Variants in ELMO1 observed in about 807,000 individuals in gnomAD.
ELMO1 encodes engulfment and cell motility 1, also known as engulfment and cell motility protein 1.
A neutral mutation model predicts 98.9 loss-of-function variants in ELMO1; 26 were observed. The ratio of observed to expected loss-of-function variants is 0.26; its 90% CI spans 0.19 to 0.36. The LOEUF is 0.36. ELMO1 is among the 10% of genes least tolerant of loss of function. ELMO1 has a pLI of 1.00. For synonymous variants in ELMO1, 346 were observed against 346.0 expected (o/e 1.00, Z 0.00); for missense variants, 627 against 935.2 (o/e 0.67, Z 4.30).
intron 16 of ELMO1, among the ~76,000 whole-genome samples, chr7:36,920,176 G>A (rs1343658026): frequency 6.6e-6 from 1 of 152,126 alleles, no homozygotes; most frequent in Non-Finnish European, 1.5e-5. Flanking sequence ...TCAACTACAG[G>A]GCTTATGAAC....
intron 6 of ELMO1, among the ~76,000 whole-genome samples, chr7:37,253,720 T>TAAAAAAAA (rs36042026): frequency 1.7e-5 from 2 of 117,878 alleles, no homozygotes. Context: ...GAACTTAAAG[T>TAAAAAAAA]AAAAAAAAAA....
intron 14 of ELMO1, among the ~76,000 whole-genome samples, chr7:37,122,337 CT>C (rs1786121241): frequency 6.6e-6 from 1 of 151,804 alleles, no homozygotes; most frequent in Admixed American, 6.6e-5. Context: ...AAGACACAGA[CT>C]GGCAAATTGG....
chr7:37,177,281 T>C (rs1361330274), intron 13 of ELMO1, among the ~76,000 whole-genome samples: 3 of 152,020 alleles, frequency 2.0e-5, no homozygotes, highest in Non-Finnish European at 2.9e-5. Flanking sequence ...GTGTCAATGG[T>C]TGCCAAACAC....
intron 13 of ELMO1, among the ~76,000 whole-genome samples, chr7:37,144,041 A>AC (rs1787824764): frequency 6.6e-6 from 1 of 151,210 alleles, no homozygotes; most frequent in Admixed American, 6.6e-5. Flanking sequence ...TAATTTCTCC[A>AC]CCCCCTCAGA....
At chr7:37,096,756 A>G (rs979097823) in intron 14 of ELMO1, 29 bp from the exon 15 acceptor site, 39 of 1,586,062 alleles carry the variant, frequency 2.5e-5, no homozygotes, top group Non-Finnish European at 3.3e-5. Context: ...CAGATTAGAA[A>G]GGAAATTCAA....
At chr7:36,909,262 T>C (rs1784180736) in intron 16 of ELMO1, among the ~76,000 whole-genome samples, 2 of 152,140 alleles carry the variant, frequency 1.3e-5, no homozygotes, top group Non-Finnish European at 2.9e-5. Flanking sequence ...ATAAGAAAGG[T>C]GTTTATTATA....
intron 2 of ELMO1, among the ~76,000 whole-genome samples, chr7:37,323,045 C>G (rs1799605410): frequency 1.3e-5 from 2 of 152,268 alleles, no homozygotes; most frequent in South Asian, 4.2e-4. Context: ...GGCCCATAAG[C>G]ACGGAGGCCA....
intron 4 of ELMO1, among the ~76,000 whole-genome samples, chr7:37,289,302 C>T (rs1027025927): frequency 6.6e-6 from 1 of 152,166 alleles, no homozygotes; most frequent in Non-Finnish European, 1.5e-5. Flanking sequence ...TATGCTATAA[C>T]CTTCAGTCAA....
chr7:36,874,017 G>C (rs532416471), intron 19 of ELMO1, among the ~76,000 whole-genome samples: 145 of 152,304 alleles, frequency 9.5e-4, no homozygotes, highest in African/African-American at 3.4e-3. Context: ...TGAAGAACCT[G>C]GTCTCTGTGG....
intron 13 of ELMO1, among the ~76,000 whole-genome samples, chr7:37,159,156 G>A (rs182088654): frequency 3.9e-5 from 6 of 152,260 alleles, no homozygotes; most frequent in African/African-American, 1.4e-4. Context: ...GCTGTCGTGG[G>A]TAGGGGGGCT....
intron 16 of ELMO1, among the ~76,000 whole-genome samples, chr7:36,957,173 G>A (rs781648962): frequency 4.6e-5 from 7 of 152,212 alleles, no homozygotes; most frequent in Non-Finnish European, 7.3e-5. Context: ...ATACATTCAG[G>A]CAAAGACCCC....
intron 1 of ELMO1, among the ~76,000 whole-genome samples, chr7:37,447,898 C>T (rs945750740): frequency 1.3e-5 from 2 of 152,054 alleles, no homozygotes; most frequent in Non-Finnish European, 2.9e-5. Context: ...TTCCCGGGCC[C>T]CCTGGCATGC....
At chr7:36,895,109 G>A in intron 16 of ELMO1, 92 bp from the exon 17 acceptor site, 1 of 1,482,076 alleles carries the variant, frequency 6.7e-7, no homozygotes. Context: ...TGCTTCCCTG[G>A]TGCCCTCTGC....
intron 13 of ELMO1, among the ~76,000 whole-genome samples, chr7:37,165,570 C>T (rs1789612060): frequency 1.3e-5 from 2 of 152,024 alleles, no homozygotes; most frequent in South Asian, 2.1e-4. Context: ...TTGTCAAAGG[C>T]CTTTTCTGCA....
intron 4 of ELMO1, among the ~76,000 whole-genome samples, chr7:37,310,779 G>T (rs937642940): frequency 1.3e-5 from 2 of 152,024 alleles, no homozygotes; most frequent in Middle Eastern, 3.2e-3. Flanking sequence ...GACCCACCTG[G>T]GTCCAAGTCT....
chr7:37,267,778 C>G (rs1367439866), intron 5 of ELMO1, among the ~76,000 whole-genome samples: 1 of 152,172 alleles, frequency 6.6e-6, no homozygotes, highest in Non-Finnish European at 1.5e-5. Flanking sequence ...CTTTTGGCAG[C>G]CTGTCTTTTG....
intron 18 of ELMO1, among the ~76,000 whole-genome samples, chr7:36,879,707 A>T (rs1804266528): frequency 6.6e-6 from 1 of 152,214 alleles, no homozygotes; most frequent in Non-Finnish European, 1.5e-5. Context: ...CAATCCATAG[A>T]TTTAAAGGAA....
intron 12 of ELMO1, among the ~76,000 whole-genome samples, chr7:37,211,825 C>T (rs763373176): frequency 2.0e-5 from 3 of 152,048 alleles, no homozygotes; most frequent in South Asian, 2.1e-4. Flanking sequence ...ATGGAAGGGT[C>T]GTGATTGGAG....
At chr7:37,179,851 G>A (rs1015003726) in intron 13 of ELMO1, among the ~76,000 whole-genome samples, 1 of 152,114 alleles carries the variant, frequency 6.6e-6, no homozygotes, top group African/African-American at 2.4e-5. Flanking sequence ...GCAGAGGGAA[G>A]TTACACAGCG....
Sources: allele counts gnomAD v4.1 joint callset (sites outside exome capture counted in the v4.1 genomes callset), GRCh38; gene constraint gnomAD v4.1.1; transcripts MANE v1.5; gene names NCBI Gene and HGNC (gene_info 2026-07-23, HGNC 2026-07-21).